TPRG1: variants seen among roughly 807,000 people sequenced by gnomAD.
The protein encoded by TPRG1 is tumor protein p63 regulated 1.
A neutral mutation model predicts 29.3 loss-of-function variants in TPRG1; 29 were observed. That is an observed-to-expected ratio of 0.99 (90% CI 0.74 to 1.35). TPRG1 has a LOEUF of 1.35. Ranked by LOEUF, TPRG1 falls within the 40% of genes most tolerant of loss-of-function variation. TPRG1 has a pLI of 0.00. For synonymous variants in TPRG1, 130 were observed against 116.8 expected, an observed-to-expected ratio of 1.11 and a Z score of -0.73; for missense variants, 327 against 335.0, an observed-to-expected ratio of 0.98 and a Z score of 0.19.
chr3:189,291,046 G>C (rs566125775), intron 4 of TPRG1, among the ~76,000 whole-genome samples: 1 of 151,722 alleles, frequency 6.6e-6, no homozygotes, highest in Non-Finnish European at 1.5e-5. Context: ...GGACTACAGG[G>C]GCCCACCACC....
At chr3:189,059,648 GAGAT>G (rs1715970112) in intron 4 of TPRG1, among the ~76,000 whole-genome samples, 2 of 151,942 alleles carry the variant, frequency 1.3e-5, no homozygotes, top group Non-Finnish European at 2.9e-5. Context: ...AAAGGTCTGT[GAGAT>G]AGTCAATATT....
intron 3 of TPRG1, among the ~76,000 whole-genome samples, chr3:189,135,631 C>T (rs1242903583): frequency 6.6e-6 from 1 of 152,188 alleles, no homozygotes; most frequent in African/African-American, 2.4e-5. Flanking sequence ...CAAATGATTG[C>T]TCAGAGCCTT....
At chr3:189,317,554 G>A (rs753963354) in intron 5 of TPRG1, among the ~76,000 whole-genome samples, 2 of 152,074 alleles carry the variant, frequency 1.3e-5, no homozygotes, top group Non-Finnish European at 2.9e-5. Context: ...TTATTTTATG[G>A]CAAAGGAACT....
intron 4 of TPRG1, among the ~76,000 whole-genome samples, chr3:189,279,056 C>T (rs1238839409): frequency 2.0e-5 from 3 of 152,264 alleles, no homozygotes; most frequent in Non-Finnish European, 4.4e-5. Context: ...TAGTAAATAT[C>T]GTAGATTTTA....
intron 4 of TPRG1, among the ~76,000 whole-genome samples, chr3:189,247,511 A>G (rs1284969238): frequency 4.6e-5 from 7 of 151,680 alleles, no homozygotes; most frequent in Non-Finnish European, 1.5e-5. Flanking sequence ...TTTTTTTGGT[A>G]TGTAAAATAC....
chr3:189,250,249 AC>A (rs1741955267), intron 4 of TPRG1, among the ~76,000 whole-genome samples: 2 of 152,108 alleles, frequency 1.3e-5, no homozygotes, highest in African/African-American at 4.8e-5. Flanking sequence ...CTAGGAACAT[AC>A]CATGATTAAG....
intron 1 of TPRG1, among the ~76,000 whole-genome samples, chr3:189,116,177 A>G (rs1328550312): frequency 1.3e-5 from 2 of 152,014 alleles, no homozygotes; most frequent in African/African-American, 4.8e-5. Flanking sequence ...CGAAGATATT[A>G]TTATTATTAT....
At chr3:189,018,221 G>T (rs1340634791) in intron 3 of TPRG1, among the ~76,000 whole-genome samples, 15 of 146,482 alleles carry the variant, frequency 1.0e-4, no homozygotes, top group African/African-American at 2.7e-4. Context: ...CTGTGCAGAA[G>T]CTCTTTAGTT....
intron 5 of TPRG1, among the ~76,000 whole-genome samples, chr3:189,312,154 T>C (rs1722701539): frequency 3.4e-5 from 2 of 59,448 alleles, no homozygotes; most frequent in African/African-American, 1.4e-4. Flanking sequence ...TCTTTCTTTC[T>C]TTCTTTCTTT....
intron 4 of TPRG1, among the ~76,000 whole-genome samples, chr3:189,294,015 C>T (rs958443573): frequency 3.3e-5 from 5 of 152,156 alleles, no homozygotes; most frequent in Admixed American, 3.3e-4. Context: ...GGCCTGTTTC[C>T]CTATGAACAC....
intron 4 of TPRG1, among the ~76,000 whole-genome samples, chr3:189,262,159 G>A (rs1325098305): frequency 1.3e-5 from 2 of 151,940 alleles, no homozygotes; most frequent in African/African-American, 4.8e-5. Context: ...GATTTGAACT[G>A]GGCCAGTGGT....
At chr3:189,019,007 T>C (rs1324567657) in intron 3 of TPRG1, among the ~76,000 whole-genome samples, 1 of 152,102 alleles carries the variant, frequency 6.6e-6, no homozygotes, top group Non-Finnish European at 1.5e-5. Flanking sequence ...TGAATGGGAG[T>C]TCACTCATAA....
At chr3:188,998,716 G>T (rs1242722082) in intron 1 of TPRG1, among the ~76,000 whole-genome samples, 2 of 152,158 alleles carry the variant, frequency 1.3e-5, no homozygotes, top group African/African-American at 4.8e-5. Context: ...TGATAAGCCA[G>T]GCCCACAAAG....
chr3:189,266,467 A>G (rs1714102680), intron 4 of TPRG1, among the ~76,000 whole-genome samples: 3 of 152,296 alleles, frequency 2.0e-5, no homozygotes, highest in Admixed American at 1.3e-4. Flanking sequence ...ACTCTGTGAC[A>G]AACTAACGGA....
At chr3:189,062,183 G>A (rs1716154245) in intron 4 of TPRG1, among the ~76,000 whole-genome samples, 1 of 152,164 alleles carries the variant, frequency 6.6e-6, no homozygotes, top group Admixed American at 6.5e-5. Flanking sequence ...AACTAATGCA[G>A]GAAGAGAAAG....
At chr3:189,138,901 G>A (rs1004251518) in intron 3 of TPRG1, among the ~76,000 whole-genome samples, 2 of 152,110 alleles carry the variant, frequency 1.3e-5, no homozygotes, top group Admixed American at 1.3e-4. Flanking sequence ...GGTGAAAGGT[G>A]CCCTGTGGCC....
chr3:189,250,772 T>C (rs891940120), intron 4 of TPRG1, among the ~76,000 whole-genome samples: 2 of 141,278 alleles, frequency 1.4e-5, no homozygotes, highest in Admixed American at 7.1e-5. Context: ...AAAAAAGCAA[T>C]GATTTAATCT....
At chr3:189,044,383 T>C (rs1212773225) in intron 4 of TPRG1, among the ~76,000 whole-genome samples, 1 of 152,000 alleles carries the variant, frequency 6.6e-6, no homozygotes, top group Non-Finnish European at 1.5e-5. Flanking sequence ...GGCAAAACGC[T>C]GTCTCTACTA....
chr3:189,136,967 A>T (rs985023623), intron 3 of TPRG1, among the ~76,000 whole-genome samples: 28 of 152,138 alleles, frequency 1.8e-4, no homozygotes, highest in Admixed American at 3.9e-4. Flanking sequence ...GACAATTTTT[A>T]AAAAAATGGA....
Sources: gnomAD v4.1 joint callset for allele counts (sites outside exome capture counted in the v4.1 genomes callset) on GRCh38, gnomAD v4.1.1 for gene constraint, MANE v1.5 for transcripts, NCBI Gene and HGNC (gene_info 2026-07-23, HGNC 2026-07-21) for gene names.